CHP1: variants seen among roughly 807,000 people sequenced by gnomAD.
CHP1 encodes the protein calcineurin like EF-hand protein 1.
In CHP1, 11 loss-of-function variants were observed where a neutral mutation model predicts 27.4. The observed-to-expected ratio is 0.40, with a 90% CI of 0.25 to 0.67. The LOEUF (loss-of-function observed/expected upper bound fraction) is 0.67. Among genes scored for constraint, CHP1 ranks in the 30% least tolerant of loss-of-function variants. CHP1 has a pLI of 0.38. For missense variants in CHP1, 169 were observed against 251.3 expected (o/e 0.67, Z 2.22); for synonymous variants, 89 against 87.4 (o/e 1.02, Z -0.10).
At chr15:41,252,477 T>A (rs2047375038) in intron 2 of CHP1, among the ~76,000 whole-genome samples, 3 of 152,172 alleles carry the variant, frequency 2.0e-5, no homozygotes, top group East Asian at 1.9e-4. Flanking sequence ...TGGAAAGCTG[T>A]GTTTTCTAAT....
chr15:41,253,699 C>T (rs2047383210), intron 2 of CHP1, among the ~76,000 whole-genome samples: 1 of 151,896 alleles, frequency 6.6e-6, no homozygotes. Flanking sequence ...CATGATCCTC[C>T]CGCCTCGGCC....
chr15:41,279,736 A>G lies in CHP1; in HGVS notation c.*347A>G, dbSNP rs2047536666. Reference sequence around the variant, plus strand: ...CAAGCCAGCAAAGCTCTTTCACCAGATGTAGACTGTAGCCCTGCTGCCTTC... The same window carrying G: ...CAAGCCAGCAAAGCTCTTTCACCAGGTGTAGACTGTAGCCCTGCTGCCTTC... On this transcript the variant is annotated 3_prime_UTR_variant, in exon 7 of 7. Coordinates refer to ENST00000334660, the MANE Select transcript of CHP1 (RefSeq NM_007236.5). 8.4e-6 allele frequency: 2 copies of G among 238,326 alleles called. No individual in the cohort carries two copies. The highest frequency in any genetic ancestry group is 1.6e-5 in the Non-Finnish European group (2 of 123,222). The allele number at this position is 238,326 out of a possible 1,614,324, so 14.8% of individuals were successfully genotyped here.
In CHP1 at chr15:41,263,931, A is replaced by G. The variant is rs996194260; in HGVS notation, c.349+1048A>G. On this transcript the variant is annotated intron_variant, in intron 4 of 6. Coordinates refer to ENST00000334660, the MANE Select transcript of CHP1 (RefSeq NM_007236.5). ...TAGCACTAGTGGATTTGGGCGTTAC[A>G]TGGTGTCTTAGGATACCTTTAGCTG... Among the ~76,000 whole-genome samples the G allele has an allele frequency of 2.0e-5, 3 of 152,154 alleles. No homozygotes were observed. In the South Asian group the frequency reaches 6.2e-4, roughly 32 times the overall value.
At chr15:41,234,666 C>T (rs1428773139) in intron 1 of CHP1, among the ~76,000 whole-genome samples, 1 of 152,150 alleles carries the variant, frequency 6.6e-6, no homozygotes, top group Admixed American at 6.6e-5. Context: ...TCCTCAGTTT[C>T]ATCATCTGTA....
intron 3 of CHP1, among the ~76,000 whole-genome samples, chr15:41,262,175 T>G (rs2047436915): frequency 6.6e-6 from 1 of 151,582 alleles, no homozygotes; most frequent in South Asian, 2.1e-4. Flanking sequence ...AATAAATAAA[T>G]AAAGCAAGAC....
In CHP1 at chr15:41,268,573, C is replaced by T. The variant is rs147765894; in HGVS notation, c.350-1984C>T. Among the ~76,000 whole-genome samples, 22 of 150,252 alleles carry T rather than the reference C, an allele frequency of 1.5e-4. 1 individual carries two copies. The highest frequency in any genetic ancestry group is 5.4e-4 in the African/African-American group (22 of 40,706). ...GGCAGAATTGCTTGAACCCGGGAGG[C>T]GGAGGTTACAGTGAACCGAGATCAT... On this transcript the variant is annotated intron_variant, in intron 4 of 6. Transcript: ENST00000334660.
At chr15:41,249,953 T>A (rs1381768665) in intron 2 of CHP1, among the ~76,000 whole-genome samples, 1 of 151,962 alleles carries the variant, frequency 6.6e-6, no homozygotes, top group Non-Finnish European at 1.5e-5. Context: ...TTTGTAGTGA[T>A]CAGCTCCAGT....
At chr15:41,275,451 G>A (rs1319285453) in intron 5 of CHP1, among the ~76,000 whole-genome samples, 1 of 152,014 alleles carries the variant, frequency 6.6e-6, no homozygotes, top group Non-Finnish European at 1.5e-5. Context: ...CACCACCCCC[G>A]GCCAAAACTT....
chr15:41,238,590 A>T (rs1463915849), intron 1 of CHP1, among the ~76,000 whole-genome samples: 3 of 152,084 alleles, frequency 2.0e-5, no homozygotes, highest in Non-Finnish European at 4.4e-5. Context: ...CTGTAATCCC[A>T]GCACTTTAGG....
At chr15:41,235,528 A>C (rs559280058) in intron 1 of CHP1, among the ~76,000 whole-genome samples, 9 of 152,290 alleles carry the variant, frequency 5.9e-5, no homozygotes, top group South Asian at 2.1e-4. Context: ...TCAAAAAAAA[A>C]CAAAAACAAA....
chr15:41,244,940 C>T (rs1419914734), intron 2 of CHP1, among the ~76,000 whole-genome samples: 4 of 152,090 alleles, frequency 2.6e-5, no homozygotes, highest in Non-Finnish European at 5.9e-5. Context: ...TAGAAAGTTT[C>T]TAGCACAGGT....
At chr15:41,266,860 C>T (rs765829983) in intron 4 of CHP1, among the ~76,000 whole-genome samples, 1 of 151,976 alleles carries the variant, frequency 6.6e-6, no homozygotes, top group Non-Finnish European at 1.5e-5. Context: ...ATTAGCCTGG[C>T]ATGGTGGTGG....
At chr15:41,249,186 G>T (rs1276490341) in intron 2 of CHP1, among the ~76,000 whole-genome samples, 1 of 151,900 alleles carries the variant, frequency 6.6e-6, no homozygotes, top group Non-Finnish European at 1.5e-5. Context: ...TCTTTTTTTG[G>T]TTTTTGTTTT....
At position 41,231,294 on chromosome 15, in the gene CHP1, T is replaced by A; in HGVS notation, c.-89T>A. 1 of 1,305,816 alleles carries A rather than the reference T, an allele frequency of 7.7e-7. No homozygotes were observed. The highest frequency in any genetic ancestry group is 1.1e-6 in the Non-Finnish European group (1 of 924,962). 80.9% of individuals were successfully genotyped at this position (1,305,816 alleles called of 1,614,324 possible). The stretch of plus-strand genomic sequence containing the variant: ...GTGGAAACACTGCCCTCTCCCTTCT[T>A]GACCCCTAGCCCTTCCTTCCCTCCC... On this transcript the variant is annotated 5_prime_UTR_variant, in exon 1 of 7. Transcript: ENST00000334660.
chr15:41,243,327 C>G (rs1051601056), intron 1 of CHP1, among the ~76,000 whole-genome samples: 17 of 152,076 alleles, frequency 1.1e-4, no homozygotes, highest in Admixed American at 9.2e-4. Context: ...GTGACAAGAG[C>G]AAAACTTTGT....
At position 41,243,678 on chromosome 15, in the gene CHP1, C is replaced by G; in HGVS notation, c.79C>G (p.Gln27Glu). The G allele has an allele frequency of 6.2e-7, 1 of 1,614,092 alleles. No individual in the cohort carries two copies. The highest frequency in any genetic ancestry group is 8.5e-7 in the Non-Finnish European group (1 of 1,179,982). The change falls in exon 2 of 7, where the codon CAA becomes GAA. Residue 27 changes from glutamine to glutamate, a missense_variant. Transcript: ENST00000334660. ...TTTGTGCTCTTTAGTTTCCCACAGT[C>G]AAATCACTCGCCTCTACAGCCGGTT... ...IKKETGFSHS[Q>E]ITRLYSRFTS...
At chr15:41,233,256 A>G (rs2047261387) in intron 1 of CHP1, among the ~76,000 whole-genome samples, 2 of 152,342 alleles carry the variant, frequency 1.3e-5, no homozygotes, top group South Asian at 4.1e-4. Context: ...AGTCACATGG[A>G]GAAATAAGCA....
chr15:41,253,210 T>C (rs2047379624), intron 2 of CHP1, among the ~76,000 whole-genome samples: 1 of 151,868 alleles, frequency 6.6e-6, no homozygotes. Flanking sequence ...GTGCTGGGAT[T>C]ACAGGCGTGA....
intron 3 of CHP1, among the ~76,000 whole-genome samples, chr15:41,260,658 G>T (rs1168152231): frequency 6.6e-6 from 1 of 152,140 alleles, no homozygotes; most frequent in Non-Finnish European, 1.5e-5. Context: ...GCCTCTTGAA[G>T]TGCTGGGATT....
Sources: gnomAD v4.1 joint callset for allele counts (sites outside exome capture counted in the v4.1 genomes callset) on GRCh38, gnomAD v4.1.1 for gene constraint, MANE v1.5 for transcripts, NCBI Gene and HGNC (gene_info 2026-07-23, HGNC 2026-07-21) for gene names.